KPNA4: variants seen among roughly 807,000 people sequenced by gnomAD.
The protein encoded by KPNA4 is karyopherin subunit alpha 4.
A neutral mutation model predicts 71.3 loss-of-function variants in KPNA4; 13 were observed. The ratio of observed to expected loss-of-function variants is 0.18; its 90% confidence interval spans 0.12 to 0.29. The LOEUF is 0.29. Ranked by LOEUF, KPNA4 falls within the 10% of genes least tolerant of loss-of-function variation. The pLI is 1.00. For synonymous variants in KPNA4, 189 were observed against 195.2 expected (o/e 0.97, Z 0.26); for missense variants, 334 against 603.2 (o/e 0.55, Z 4.67).
chr3:160,553,489 G>A (rs909271901), intron 1 of KPNA4, among the ~76,000 whole-genome samples: 3 of 152,188 alleles, frequency 2.0e-5, no homozygotes, highest in African/African-American at 7.2e-5. Context: ...AGCTGGCAGA[G>A]CAGAACTTTG....
intron 1 of KPNA4, among the ~76,000 whole-genome samples, chr3:160,541,967 A>C (rs1054951379): frequency 1.3e-5 from 2 of 152,348 alleles, no homozygotes; most frequent in Admixed American, 6.5e-5. Context: ...TAACATGCAC[A>C]CAACGCACTC....
intron 13 of KPNA4, 128 bp from the exon 14 acceptor site, chr3:160,509,999 T>G: frequency 1.5e-6 from 1 of 661,606 alleles, no homozygotes; most frequent in African/African-American, 1.8e-5. Context: ...TATATATCAT[T>G]TTTTCTTATT....
intron 1 of KPNA4, among the ~76,000 whole-genome samples, chr3:160,557,408 G>C (rs867215090): frequency 3.8e-4 from 58 of 152,106 alleles, no homozygotes; most frequent in African/African-American, 1.4e-3. Flanking sequence ...TTTTATTAAA[G>C]AACAGGACAC....
intron 1 of KPNA4, among the ~76,000 whole-genome samples, chr3:160,552,099 GAGTT>G (rs1386826717): frequency 6.6e-6 from 1 of 152,050 alleles, no homozygotes; most frequent in African/African-American, 2.4e-5. Context: ...GTATTCTAAT[GAGTT>G]ACTCTCATGA....
At chr3:160,560,478 A>T (rs905705819) in intron 1 of KPNA4, among the ~76,000 whole-genome samples, 1 of 151,680 alleles carries the variant, frequency 6.6e-6, no homozygotes, top group African/African-American at 2.4e-5. Flanking sequence ...CTCTTGTTTC[A>T]TTCATCATTA....
chr3:160,563,188 C>T (rs1376713482), intron 1 of KPNA4, among the ~76,000 whole-genome samples: 1 of 93,004 alleles, frequency 1.1e-5, no homozygotes, highest in Non-Finnish European at 2.8e-5. Context: ...TTGGATCATT[C>T]GGCCATAAGG....
chr3:160,563,126 T>C (rs1012911021), intron 1 of KPNA4, among the ~76,000 whole-genome samples: 5 of 152,194 alleles, frequency 3.3e-5, no homozygotes, highest in African/African-American at 9.7e-5. Context: ...AAATGTTCAT[T>C]AACTGAAGAA....
chr3:160,531,176 T>C (rs886758918), intron 6 of KPNA4, among the ~76,000 whole-genome samples: 3 of 152,200 alleles, frequency 2.0e-5, no homozygotes, highest in Admixed American at 1.3e-4. Context: ...TTAAGATACT[T>C]GCATACTACT....
At position 160,507,141 on chromosome 3, in the gene KPNA4, A is replaced by T. The variant is rs977641936; in HGVS notation, c.1372+966T>A. Among the ~76,000 whole-genome samples the T allele has an allele frequency of 4.6e-5, 7 of 152,178 alleles. No homozygotes were observed. In the East Asian group the frequency reaches 5.8e-4, roughly 13 times the overall value. On this transcript the variant is annotated intron_variant, in intron 15 of 16. Coordinates refer to ENST00000334256, the MANE Select transcript of KPNA4 (RefSeq NM_002268.5). Reference sequence around the variant, plus strand: ...TTTACATTCCAGGAGGCTCTGGTACATGGCCATGTTTCGAAACTATTGCCC... The same window carrying T: ...TTTACATTCCAGGAGGCTCTGGTACTTGGCCATGTTTCGAAACTATTGCCC...
At chr3:160,564,009 G>A (rs140748702) in intron 1 of KPNA4, among the ~76,000 whole-genome samples, 84 of 152,214 alleles carry the variant, frequency 5.5e-4, no homozygotes, top group Non-Finnish European at 3.4e-4. Context: ...GTTCAGAAAT[G>A]CCATGGGAAG....
At chr3:160,531,313 A>G in intron 6 of KPNA4, 149 bp downstream of exon 6, 1 of 477,268 alleles carries the variant, frequency 2.1e-6, no homozygotes. Context: ...TGGTGTTAAC[A>G]AACCTTGCAC....
intron 10 of KPNA4, among the ~76,000 whole-genome samples, chr3:160,524,420 G>A (rs1209353109): frequency 6.6e-6 from 1 of 152,056 alleles, no homozygotes; most frequent in Non-Finnish European, 1.5e-5. Context: ...ACAGTTCACT[G>A]CAGCCTTGAC....
Position 160,521,800 on chromosome 3 carries a change from G to A in KPNA4, c.882C>T (p.Ser294=), listed in dbSNP as rs750701279. 3.1e-6 allele frequency: 5 copies of A among 1,611,560 alleles called. No homozygotes were observed. In the African/African-American group the frequency reaches 4.0e-5, roughly 13 times the overall value. ...GIVPHLVPLL[S]HQEVKVQTAA... is the part of the protein sequence containing the mutation. ...TTACCTGAACTTTAACTTCCTGGTG[G>A]CTGAGCAGAGGAACCAAATGAGGAA... Residue 294 remains serine, a synonymous_variant, in exon 11 of 17, where the codon AGC becomes AGT. Transcript: ENST00000334256.
In KPNA4 at chr3:160,535,802, A is replaced by T; in HGVS notation, c.204+6T>A. On this transcript the variant is annotated splice_donor_region_variant and intron_variant, in intron 3 of 16. Transcript: ENST00000334256. ...AGTTACCAGAATAACAATAACAATG[A>T]CTTACCACTCTATAATCACCATCTA... 1 of 1,545,528 alleles carries T rather than the reference A, an allele frequency of 6.5e-7. No homozygotes were observed. The highest frequency in any genetic ancestry group is 8.7e-7 in the Non-Finnish European group (1 of 1,155,716).
chr3:160,519,266 C>T (rs1254228838), intron 11 of KPNA4, among the ~76,000 whole-genome samples: 1 of 151,964 alleles, frequency 6.6e-6, no homozygotes, highest in African/African-American at 2.4e-5. Flanking sequence ...TTTGTAGTAG[C>T]CTAGCTTCTT....
chr3:160,560,133 T>C (rs1014215956), intron 1 of KPNA4, among the ~76,000 whole-genome samples: 1 of 152,100 alleles, frequency 6.6e-6, no homozygotes, highest in Non-Finnish European at 1.5e-5. Flanking sequence ...ACATAGAACC[T>C]TTTCATCAAA....
intron 1 of KPNA4, among the ~76,000 whole-genome samples, chr3:160,537,860 T>C (rs980509636): frequency 2.0e-5 from 3 of 151,902 alleles, no homozygotes; most frequent in African/African-American, 7.3e-5. Context: ...CACATATCAC[T>C]GCCTCCTCTG....
chr3:160,556,322 T>C (rs1167535286), intron 1 of KPNA4, among the ~76,000 whole-genome samples: 1 of 151,968 alleles, frequency 6.6e-6, no homozygotes, highest in Non-Finnish European at 1.5e-5. Flanking sequence ...CCGTACCATT[T>C]TACATTCCCA....
chr3:160,538,775 G>A (rs191717051), intron 1 of KPNA4, among the ~76,000 whole-genome samples: 6 of 151,808 alleles, frequency 4.0e-5, no homozygotes, highest in Admixed American at 2.0e-4. Context: ...GCTATTTCTC[G>A]AACACACTGT....
Sources: gnomAD v4.1 joint callset for allele counts (sites outside exome capture counted in the v4.1 genomes callset) on GRCh38, gnomAD v4.1.1 for gene constraint, MANE v1.5 for transcripts, NCBI Gene and HGNC (gene_info 2026-07-23, HGNC 2026-07-21) for gene names.